Variants in LANCL2 observed in about 807,000 individuals in gnomAD.
LANCL2 encodes lanC-like protein 2.
In LANCL2, 33 loss-of-function variants were observed where a neutral mutation model predicts 56.9. That is an observed-to-expected ratio of 0.58 (90% confidence interval 0.44 to 0.78). The LOEUF (loss-of-function observed/expected upper bound fraction) is 0.78, where lower values mean the gene tolerates loss of function less well. Ranked by LOEUF, LANCL2 falls within the 30% of genes least tolerant of loss-of-function variation. The pLI, the probability that LANCL2 is intolerant of heterozygous loss-of-function variation, is 0.00. For synonymous variants in LANCL2, 233 were observed against 228.2 expected (o/e 1.02, Z -0.19); for missense variants, 562 against 580.2 (o/e 0.97, Z 0.32).
At chr7:55,417,341 A>G (rs559367023) in intron 6 of LANCL2, among the ~76,000 whole-genome samples, 2 of 152,152 alleles carry the variant, frequency 1.3e-5, no homozygotes, top group South Asian at 2.1e-4. Context: ...TGGAAAAGAC[A>G]TTTATTTTTC....
intron 6 of LANCL2, among the ~76,000 whole-genome samples, chr7:55,418,533 T>A (rs571313131): frequency 1.3e-4 from 20 of 152,294 alleles, no homozygotes; most frequent in African/African-American, 4.8e-4. Flanking sequence ...CACGTATCAG[T>A]TCTGGTAGCT....
chr7:55,405,034 A>G (rs1464622739), intron 5 of LANCL2, among the ~76,000 whole-genome samples: 1 of 152,214 alleles, frequency 6.6e-6, no homozygotes. Context: ...CCAATAGGAG[A>G]TAAATATTAT....
At chr7:55,417,548 T>G (rs981461317) in intron 6 of LANCL2, among the ~76,000 whole-genome samples, 5 of 152,208 alleles carry the variant, frequency 3.3e-5, no homozygotes, top group Non-Finnish European at 2.9e-5. Context: ...AGAATCACTT[T>G]GAATATTCCA....
chr7:55,391,528 CT>C (rs34146737), intron 1 of LANCL2, among the ~76,000 whole-genome samples: 53,019 of 147,994 alleles, frequency 0.36, 9,747 homozygotes, highest in African/African-American at 0.43. Flanking sequence ...TCCATTTTTC[CT>C]TTTTTTTTTA....
rs757806770 is a variant in LANCL2 at position 55,366,243 on chromosome 7, C to T, written c.204+14C>T. ...CAGGACGGGAAGGTGAGTCGGCGGCCTGGCCGCAGAGGCGCCGGAGGGGGA... is the reference window on the plus strand; with the variant it reads ...CAGGACGGGAAGGTGAGTCGGCGGCTTGGCCGCAGAGGCGCCGGAGGGGGA... On this transcript the variant is annotated intron_variant, in intron 1 of 8. Coordinates refer to ENST00000254770, the MANE Select transcript of LANCL2 (RefSeq NM_018697.4). 350 of 1,479,676 alleles carry T rather than the reference C, an allele frequency of 2.4e-4. No homozygotes were observed. Among genetic ancestry groups the T allele is most frequent in the Non-Finnish European group, 3.0e-4 (330 of 1,107,324 alleles). The allele number at this position is 1,479,676 out of a possible 1,614,324, so 91.7% of individuals were successfully genotyped here.
intron 5 of LANCL2, among the ~76,000 whole-genome samples, chr7:55,402,631 C>G (rs1193148528): frequency 9.1e-6 from 1 of 109,934 alleles, no homozygotes; most frequent in African/African-American, 3.9e-5. Flanking sequence ...CCGGATGGGG[C>G]GGCTGGCTGG....
intron 5 of LANCL2, among the ~76,000 whole-genome samples, chr7:55,405,583 C>T (rs907193142): frequency 4.6e-5 from 7 of 150,966 alleles, no homozygotes; most frequent in African/African-American, 1.5e-4. Flanking sequence ...CTCCATCTCC[C>T]GGGTTTAAGT....
chr7:55,373,371 G>A (rs1348636562), intron 1 of LANCL2, among the ~76,000 whole-genome samples: 2 of 151,768 alleles, frequency 1.3e-5, no homozygotes, highest in Admixed American at 6.6e-5. Context: ...GCTCACTGCA[G>A]CCTTGACCTC....
At chr7:55,369,655 G>T (rs1033960951) in intron 1 of LANCL2, among the ~76,000 whole-genome samples, 1 of 152,106 alleles carries the variant, frequency 6.6e-6, no homozygotes, top group African/African-American at 2.4e-5. Context: ...AAGGGGAATT[G>T]AGCCCAGCTC....
At chr7:55,413,618 T>TG (rs780731173) in intron 6 of LANCL2, among the ~76,000 whole-genome samples, 23 of 152,222 alleles carry the variant, frequency 1.5e-4, no homozygotes, top group Non-Finnish European at 2.4e-4. Context: ...GCTGGCCACT[T>TG]GGGAGCAAGC....
At chr7:55,425,701 C>T (rs190009820) in intron 7 of LANCL2, among the ~76,000 whole-genome samples, 1 of 152,172 alleles carries the variant, frequency 6.6e-6, no homozygotes, top group Admixed American at 6.5e-5. Context: ...CATTTATTGG[C>T]TTTATGAGTT....
At chr7:55,383,585 G>A (rs78938645) in intron 1 of LANCL2, among the ~76,000 whole-genome samples, 6 of 152,222 alleles carry the variant, frequency 3.9e-5, no homozygotes, top group South Asian at 2.1e-4. Context: ...CCTTCAAGCC[G>A]TTTTTCTGCT....
intron 5 of LANCL2, among the ~76,000 whole-genome samples, chr7:55,402,112 G>A (rs1790336971): frequency 6.8e-6 from 1 of 147,138 alleles, no homozygotes. Flanking sequence ...TTCCCAGTAG[G>A]GGCGGCCGGG....
At chr7:55,394,795 T>G (rs151128841) in intron 2 of LANCL2, among the ~76,000 whole-genome samples, 1,790 of 116,974 alleles carry the variant, frequency 0.015, 18 homozygotes, top group Middle Eastern at 0.098. Flanking sequence ...GGCCACAGCC[T>G]CAGTGGGAAC....
intron 5 of LANCL2, among the ~76,000 whole-genome samples, chr7:55,410,907 C>T (rs1268226689): frequency 6.6e-6 from 1 of 150,876 alleles, no homozygotes. Flanking sequence ...TAACATGTCA[C>T]CCTAAGATGT....
intron 1 of LANCL2, among the ~76,000 whole-genome samples, chr7:55,384,276 G>T (rs570453430): frequency 6.6e-6 from 1 of 152,192 alleles, no homozygotes; most frequent in Non-Finnish European, 1.5e-5. Flanking sequence ...ATGCAGGGCC[G>T]GGTGCAGTGG....
chr7:55,418,183 G>A (rs1399707013), intron 6 of LANCL2, among the ~76,000 whole-genome samples: 1 of 71,126 alleles, frequency 1.4e-5, no homozygotes, highest in African/African-American at 6.2e-5. Flanking sequence ...AAATACAATT[G>A]CGTTTTTTTT....
Position 55,428,420 on chromosome 7 carries a change from C to G in LANCL2, c.1231C>G (p.Pro411Ala). The G allele has an allele frequency of 6.2e-7, 1 of 1,614,132 alleles. No individual in the cohort carries two copies. Among genetic ancestry groups the G allele is most frequent in the Non-Finnish European group, 8.5e-7 (1 of 1,179,952 alleles). Residue 411 changes from proline to alanine, a missense_variant, in exon 8 of 9, where the codon CCT becomes GCT. Pro to Ala is a conservative substitution (Grantham distance 27). Transcript: ENST00000254770. ...LDYGAHGCRI[P>A]DRPYSLFEGM... Reference sequence around the variant, plus strand: ...TTACGGAGCACACGGGTGCCGCATTCCTGACAGACCCTATTCGCTCTTTGA... The same window carrying G: ...TTACGGAGCACACGGGTGCCGCATTGCTGACAGACCCTATTCGCTCTTTGA...
chr7:55,378,796 A>C (rs568040265), intron 1 of LANCL2, among the ~76,000 whole-genome samples: 1 of 152,340 alleles, frequency 6.6e-6, no homozygotes, highest in East Asian at 1.9e-4. Flanking sequence ...AATTCTGGCA[A>C]ATATTAAAGG....
Sources: allele counts gnomAD v4.1 joint callset (sites outside exome capture counted in the v4.1 genomes callset), GRCh38; gene constraint gnomAD v4.1.1; transcripts MANE v1.5; gene names NCBI Gene and HGNC (gene_info 2026-07-23, HGNC 2026-07-21).